The following TTLL13 variants were observed in gnomAD, a reference collection of about 807,000 sequenced individuals.
The protein encoded by TTLL13 is tubulin polyglutamylase TTLL13.
At chr15:90,258,083 C>A in the TTLL13 span, 1 of 1,614,220 alleles carries the variant, frequency 6.2e-7, no homozygotes, top group Non-Finnish European at 8.5e-7. Context: ...ACAGCTACAA[C>A]CCTGGAGAGC....
At chr15:90,255,966 G>C in the TTLL13 span, 1 of 1,602,356 alleles carries the variant, frequency 6.2e-7, no homozygotes, top group Non-Finnish European at 8.5e-7. Flanking sequence ...TGTGACCTAG[G>C]AATGTCTCAG....
At chr15:90,258,662 AC>A in the TTLL13 span, 6 of 1,203,980 alleles carry the variant, frequency 5.0e-6, no homozygotes, top group Non-Finnish European at 7.4e-6. Context: ...AATATCTTAG[AC>A]CCTCTAGTTA....
At chr15:90,263,401 T>C in the TTLL13 span, 1 of 503,694 alleles carries the variant, frequency 2.0e-6, no homozygotes, top group South Asian at 3.1e-5. Context: ...ACTTGCTCTC[T>C]ATATTCCTGT....
chr15:90,260,100 T>C, the TTLL13 span, among the ~76,000 whole-genome samples: 1 of 152,206 alleles, frequency 6.6e-6, no homozygotes, highest in African/African-American at 2.4e-5. Context: ...ACTGTGTACC[T>C]GAGGGTCATG....
chr15:90,257,577 G>A, the TTLL13 span: 26 of 1,500,930 alleles, frequency 1.7e-5, no homozygotes, highest in Middle Eastern at 1.0e-3. Context: ...AGGTAATGAA[G>A]GGCTGGAGAG....
chr15:90,263,214 G>A, the TTLL13 span: 68 of 1,384,602 alleles, frequency 4.9e-5, no homozygotes, highest in East Asian at 1.7e-3. Context: ...CATGGTGTTG[G>A]TCTCAACAAA....
chr15:90,256,157 T>C, the TTLL13 span: 1 of 1,614,180 alleles, frequency 6.2e-7, no homozygotes, highest in Non-Finnish European at 8.5e-7. Context: ...GGACTTCCAG[T>C]CCTACGGTCG....
At chr15:90,256,030 A>G in the TTLL13 span, 6 of 1,557,508 alleles carry the variant, frequency 3.9e-6, no homozygotes, top group Non-Finnish European at 5.2e-6. Context: ...AGAGGGTCTG[A>G]GACTGAGTGC....
At chr15:90,254,728 C>T in the TTLL13 span, among the ~76,000 whole-genome samples, 1 of 152,098 alleles carries the variant, frequency 6.6e-6, no homozygotes, top group East Asian at 1.9e-4. Flanking sequence ...ATGCTTTAGT[C>T]CCAGCCACTT....
chr15:90,255,859 C>A, the TTLL13 span: 1 of 1,614,150 alleles, frequency 6.2e-7, no homozygotes, highest in Non-Finnish European at 8.5e-7. Flanking sequence ...ACAACATCTT[C>A]CCCCGCACCT....
the TTLL13 span, among the ~76,000 whole-genome samples, chr15:90,254,244 C>T: frequency 2.7e-5 from 4 of 149,622 alleles, no homozygotes; most frequent in Admixed American, 2.7e-4. Flanking sequence ...CCTGTAATCC[C>T]AACTCTTTGG....
chr15:90,257,936 A>C, the TTLL13 span: 1 of 1,184,590 alleles, frequency 8.4e-7, no homozygotes, highest in Admixed American at 2.2e-5. Context: ...CAGCCCTTCA[A>C]AGCCCGGGCA....
Sources: allele counts gnomAD v4.1 joint callset (sites outside exome capture counted in the v4.1 genomes callset), GRCh38; gene constraint gnomAD v4.1.1; transcripts MANE v1.5; gene names NCBI Gene and HGNC (gene_info 2026-07-23, HGNC 2026-07-21).